MARCHF1: variants seen among roughly 807,000 people sequenced by gnomAD.
MARCHF1 encodes the protein membrane associated ring-CH-type finger 1.
MARCHF1 carries 40 observed loss-of-function variants against 54.2 expected under a neutral mutation model. The ratio of observed to expected loss-of-function variants is 0.74; its 90% CI spans 0.57 to 0.96. The LOEUF is 0.96. Among genes scored for constraint, MARCHF1 ranks in the 40% least tolerant of loss-of-function variants. MARCHF1 has a pLI of 0.00. For synonymous variants in MARCHF1, 236 were observed against 236.3 expected (o/e 1.00, Z 0.01); for missense variants, 586 against 656.5 (o/e 0.89, Z 1.17).
chr4:164,293,611 T>C (rs368213075), intron 1 of MARCHF1, among the ~76,000 whole-genome samples: 1 of 152,252 alleles, frequency 6.6e-6, no homozygotes, highest in East Asian at 1.9e-4. Flanking sequence ...ACTGAGAAAG[T>C]CTGTACTAAC....
At chr4:163,560,065 T>G (rs1308780535) in intron 8 of MARCHF1, among the ~76,000 whole-genome samples, 1 of 152,244 alleles carries the variant, frequency 6.6e-6, no homozygotes, top group African/African-American at 2.4e-5. Flanking sequence ...GAAAAGCAGA[T>G]GTTTTTAATT....
intron 3 of MARCHF1, among the ~76,000 whole-genome samples, chr4:163,981,170 C>T (rs4373119): frequency 0.064 from 9,670 of 151,178 alleles, 367 homozygotes; most frequent in Non-Finnish European, 0.083. Flanking sequence ...TCCTAAGAAA[C>T]TCCCTTTTAT....
At chr4:164,154,426 T>G (rs1730022297) in intron 1 of MARCHF1, among the ~76,000 whole-genome samples, 1 of 152,242 alleles carries the variant, frequency 6.6e-6, no homozygotes, top group Non-Finnish European at 1.5e-5. Context: ...TGACATCATG[T>G]GATTAACTTC....
At chr4:164,221,001 G>A (rs1354341923) in intron 1 of MARCHF1, among the ~76,000 whole-genome samples, 6 of 151,890 alleles carry the variant, frequency 4.0e-5, no homozygotes, top group East Asian at 1.9e-4. Context: ...TCTGAAAAAC[G>A]TGGAAAACAA....
intron 5 of MARCHF1, among the ~76,000 whole-genome samples, chr4:163,626,978 A>T (rs966994547): frequency 1.3e-5 from 2 of 152,094 alleles, no homozygotes; most frequent in African/African-American, 4.8e-5. Context: ...ATAGGCCAAA[A>T]ATGATCTGAA....
chr4:164,335,929 G>C (rs966184348), intron 1 of MARCHF1, among the ~76,000 whole-genome samples: 2 of 151,886 alleles, frequency 1.3e-5, no homozygotes, highest in African/African-American at 4.8e-5. Context: ...AATCAATCAG[G>C]CAAGCTTAGT....
At chr4:163,830,812 T>C (rs1288247732) in intron 4 of MARCHF1, among the ~76,000 whole-genome samples, 1 of 152,118 alleles carries the variant, frequency 6.6e-6, no homozygotes, top group East Asian at 1.9e-4. Context: ...ACAAAGTATA[T>C]GCTCTCCTGT....
intron 4 of MARCHF1, among the ~76,000 whole-genome samples, chr4:163,798,582 G>A (rs890239776): frequency 1.3e-5 from 2 of 152,074 alleles, no homozygotes; most frequent in South Asian, 2.1e-4. Context: ...TCATCCCCAA[G>A]TCATAGTTAC....
intron 1 of MARCHF1, among the ~76,000 whole-genome samples, chr4:164,114,301 TTAATA>T (rs2110742815): frequency 6.6e-6 from 1 of 152,054 alleles, no homozygotes; most frequent in African/African-American, 2.4e-5. Context: ...CTGGTTATAT[TTAATA>T]TATTTTTATT....
intron 4 of MARCHF1, among the ~76,000 whole-genome samples, chr4:163,763,883 G>T (rs1162378847): frequency 6.6e-6 from 1 of 151,898 alleles, no homozygotes; most frequent in Non-Finnish European, 1.5e-5. Flanking sequence ...AAATCTCTTT[G>T]TAAATGTGTG....
intron 1 of MARCHF1, among the ~76,000 whole-genome samples, chr4:164,305,684 C>T (rs1185738801): frequency 6.6e-6 from 1 of 152,110 alleles, no homozygotes; most frequent in East Asian, 1.9e-4. Context: ...ATAGTGAAAA[C>T]TTCTGCATAT....
chr4:164,142,942 T>C (rs1359875851), intron 1 of MARCHF1, among the ~76,000 whole-genome samples: 1 of 151,866 alleles, frequency 6.6e-6, no homozygotes, highest in Non-Finnish European at 1.5e-5. Flanking sequence ...TAGAAGAATG[T>C]ATAACTAGAA....
intron 2 of MARCHF1, among the ~76,000 whole-genome samples, chr4:164,063,848 G>A (rs931654304): frequency 6.6e-6 from 1 of 152,108 alleles, no homozygotes; most frequent in Non-Finnish European, 1.5e-5. Context: ...TGTGGTGTAA[G>A]AAAGGGGTCC....
intron 1 of MARCHF1, among the ~76,000 whole-genome samples, chr4:164,131,525 G>A (rs1756301000): frequency 6.6e-6 from 1 of 152,042 alleles, no homozygotes; most frequent in East Asian, 1.9e-4. Flanking sequence ...GTTTTTAAGA[G>A]CTATTGAGAA....
chr4:163,942,467 G>A (rs895592712), intron 3 of MARCHF1, among the ~76,000 whole-genome samples: 1 of 152,138 alleles, frequency 6.6e-6, no homozygotes, highest in African/African-American at 2.4e-5. Context: ...ATGTTAACGA[G>A]CCAGTGCTCC....
intron 1 of MARCHF1, among the ~76,000 whole-genome samples, chr4:164,372,750 A>C (rs145636761): frequency 0.012 from 1,863 of 152,238 alleles, 34 homozygotes; most frequent in African/African-American, 0.042. Context: ...TTATATTACC[A>C]TTATTAAAGT....
chr4:164,363,239 C>G (rs1438341592), intron 1 of MARCHF1, among the ~76,000 whole-genome samples: 1 of 151,982 alleles, frequency 6.6e-6, no homozygotes, highest in African/African-American at 2.4e-5. Context: ...ACTGGGTAGA[C>G]TAAGAAAGGC....
chr4:163,982,799 C>G (rs998291496), intron 3 of MARCHF1, among the ~76,000 whole-genome samples: 18 of 152,236 alleles, frequency 1.2e-4, no homozygotes, highest in Middle Eastern at 3.4e-3. Flanking sequence ...TCTCACATGT[C>G]CTTATACAAG....
intron 5 of MARCHF1, among the ~76,000 whole-genome samples, chr4:163,620,183 G>A (rs1741634818): frequency 6.6e-6 from 1 of 152,082 alleles, no homozygotes; most frequent in African/African-American, 2.4e-5. Flanking sequence ...ATCTCAATAA[G>A]CAGATAAATG....
Sources: gnomAD v4.1 joint callset for allele counts (sites outside exome capture counted in the v4.1 genomes callset) on GRCh38, gnomAD v4.1.1 for gene constraint, MANE v1.5 for transcripts, NCBI Gene and HGNC (gene_info 2026-07-23, HGNC 2026-07-21) for gene names.